The following MCF2L2 variants were observed in gnomAD, a reference collection of about 807,000 sequenced individuals.
MCF2L2 encodes the protein MCF.2 cell line derived transforming sequence-like 2, also known as probable guanine nucleotide exchange factor MCF2L2.
Under a neutral mutation model 150.2 loss-of-function variants are expected in MCF2L2, and 102 were observed. The ratio of observed to expected loss-of-function variants is 0.68; its 90% CI spans 0.58 to 0.80. The LOEUF is 0.80. Ranked by LOEUF, MCF2L2 falls within the 30% of genes least tolerant of loss-of-function variation. The pLI, the probability that MCF2L2 is intolerant of heterozygous loss-of-function variation, is 0.00. For synonymous variants in MCF2L2, 465 were observed against 491.3 expected, an observed-to-expected ratio of 0.95 and a Z score of 0.71; for missense variants, 1,256 against 1,372.8, an observed-to-expected ratio of 0.91 and a Z score of 1.34.
intron 1 of MCF2L2, among the ~76,000 whole-genome samples, chr3:183,414,451 G>T (rs751742179): frequency 6.6e-6 from 1 of 151,828 alleles, no homozygotes; most frequent in Non-Finnish European, 1.5e-5. Flanking sequence ...AGTCATTTAC[G>T]CCTTCTCTTT....
intron 16 of MCF2L2, among the ~76,000 whole-genome samples, chr3:183,230,532 T>C (rs1418169119): frequency 1.3e-5 from 2 of 152,246 alleles, no homozygotes; most frequent in African/African-American, 4.8e-5. Flanking sequence ...AAAAATGTGA[T>C]TATAAATAAT....
chr3:183,198,512 G>A (rs568134986), intron 25 of MCF2L2, among the ~76,000 whole-genome samples: 3 of 152,102 alleles, frequency 2.0e-5, no homozygotes, highest in Non-Finnish European at 4.4e-5. Context: ...TCCTTACTGT[G>A]GTGATGCCTT....
Position 183,402,336 on chromosome 3 carries a change from C to T in MCF2L2, c.77-12557G>A, listed in dbSNP as rs145511358. Among the ~76,000 whole-genome samples, 195 of 151,366 alleles carry T rather than the reference C, an allele frequency of 1.3e-3. 2 individuals are homozygous for T. Among genetic ancestry groups the T allele is most frequent in the African/African-American group, 4.6e-3 (190 of 41,296 alleles). ...TGGGTTTTTCCCGGGTGCCTGTAGT[C>T]CCAGCTACTCGGGAGGTTGAGGCAG... On this transcript the variant is annotated intron_variant, in intron 1 of 29. Transcript: ENST00000328913.
At chr3:183,199,136 T>C (rs1722172258) in intron 25 of MCF2L2, among the ~76,000 whole-genome samples, 1 of 152,230 alleles carries the variant, frequency 6.6e-6, no homozygotes, top group Non-Finnish European at 1.5e-5. Context: ...GGTTTACCTT[T>C]TCCCTTATCT....
chr3:183,234,681 A>G (rs1723724804), intron 15 of MCF2L2, among the ~76,000 whole-genome samples: 1 of 106,234 alleles, frequency 9.4e-6, no homozygotes, highest in Non-Finnish European at 1.9e-5. Context: ...GAGAAAATGT[A>G]TGACTCTTTT....
At chr3:183,325,580 T>C (rs1329323769) in intron 5 of MCF2L2, among the ~76,000 whole-genome samples, 1 of 152,214 alleles carries the variant, frequency 6.6e-6, no homozygotes, top group African/African-American at 2.4e-5. Context: ...GACAGGTCGT[T>C]AGAAATTATC....
At chr3:183,311,903 A>G in intron 7 of MCF2L2, 131 bp from the exon 8 acceptor site, 1 of 745,964 alleles carries the variant, frequency 1.3e-6, no homozygotes, top group Non-Finnish European at 2.1e-6. Context: ...GTCAAGATGC[A>G]GCTTTAATCA....
chr3:183,380,934 T>C (rs1415853335), intron 2 of MCF2L2, among the ~76,000 whole-genome samples: 3 of 152,226 alleles, frequency 2.0e-5, no homozygotes, highest in Admixed American at 1.3e-4. Context: ...TTTATATGTA[T>C]TATTTTTTCA....
In MCF2L2 at chr3:183,198,543, A is replaced by G. The variant is rs1722150749; in HGVS notation, c.2885-3288T>C. 2.0e-5 allele frequency among the ~76,000 whole-genome samples: 3 copies of G among 152,212 alleles called. No individual in the cohort carries two copies. The South Asian group carries it at 6.2e-4, about 31-fold the overall frequency. ...GCCTTACAGATGTATACAGATGTCA[A>G]AACTTATCAGATTGTACACTTTAAA... On this transcript the variant is annotated intron_variant, in intron 25 of 29. Transcript: ENST00000328913.
intron 18 of MCF2L2, chr3:183,226,573 A>T (rs1324417301): frequency 1.3e-5 from 2 of 152,218 alleles, no homozygotes; most frequent in Non-Finnish European, 2.9e-5. Context: ...CTATCAAAAA[A>T]CTTTGTAAAA....
intron 10 of MCF2L2, among the ~76,000 whole-genome samples, chr3:183,306,618 G>A (rs538892566): frequency 1.1e-4 from 17 of 152,238 alleles, no homozygotes; most frequent in Non-Finnish European, 2.1e-4. Flanking sequence ...CAGGGATGGA[G>A]TGTGTGTATG....
At chr3:183,382,641 C>A (rs976284520) in intron 2 of MCF2L2, among the ~76,000 whole-genome samples, 4 of 152,128 alleles carry the variant, frequency 2.6e-5, no homozygotes, top group African/African-American at 9.7e-5. Flanking sequence ...ATTCCAAAGT[C>A]CAGTGCATTC....
At chr3:183,311,813 A>T in intron 7 of MCF2L2, 41 bp from the exon 8 acceptor site, 2 of 1,585,830 alleles carry the variant, frequency 1.3e-6, no homozygotes, top group Non-Finnish European at 1.7e-6. Flanking sequence ...GAATTAGAAA[A>T]AACAAATTCT....
At chr3:183,356,358 T>A (rs1257638341) in intron 3 of MCF2L2, among the ~76,000 whole-genome samples, 1 of 151,454 alleles carries the variant, frequency 6.6e-6, no homozygotes, top group Non-Finnish European at 1.5e-5. Context: ...ACTAAAAATA[T>A]AAAAATTAGT....
chr3:183,193,361 T>TTTTTTTC (rs1721970284), intron 26 of MCF2L2, among the ~76,000 whole-genome samples: 1 of 150,000 alleles, frequency 6.7e-6, no homozygotes, highest in African/African-American at 2.5e-5. Flanking sequence ...TTCTTTCTTT[T>TTTTTTTC]TTTTTTTGAG....
intron 18 of MCF2L2, chr3:183,226,060 G>C (rs949124218): frequency 6.6e-6 from 1 of 152,172 alleles, no homozygotes; most frequent in Non-Finnish European, 1.5e-5. Flanking sequence ...AGATCTCAGA[G>C]TACTTGGAAC....
chr3:183,332,965 G>A (rs1730328151), intron 5 of MCF2L2, among the ~76,000 whole-genome samples: 1 of 152,162 alleles, frequency 6.6e-6, no homozygotes, highest in African/African-American at 2.4e-5. Context: ...AGTAGGAAAG[G>A]AGAGAGAAAA....
chr3:183,395,912 C>T (rs1182265157), intron 1 of MCF2L2, among the ~76,000 whole-genome samples: 2 of 102,116 alleles, frequency 2.0e-5, no homozygotes, highest in East Asian at 2.5e-4. Context: ...CGCAAGACAT[C>T]GTCTCAAAAA....
chr3:183,426,453 T>C (rs1376554612), intron 1 of MCF2L2, among the ~76,000 whole-genome samples: 1 of 152,238 alleles, frequency 6.6e-6, no homozygotes, highest in African/African-American at 2.4e-5. Context: ...GTGTACACAG[T>C]ATTTCTACCC....
Sources: allele counts gnomAD v4.1 joint callset (sites outside exome capture counted in the v4.1 genomes callset), GRCh38; gene constraint gnomAD v4.1.1; transcripts MANE v1.5; gene names NCBI Gene and HGNC (gene_info 2026-07-23, HGNC 2026-07-21).